The following SCHIP1 variants were observed in gnomAD, a reference collection of about 807,000 sequenced individuals.
SCHIP1 encodes schwannomin interacting protein 1.
In SCHIP1, 8 loss-of-function variants were observed where a neutral mutation model predicts 29.7. That is an observed-to-expected ratio of 0.27 (90% CI 0.16 to 0.49). The LOEUF is 0.49. SCHIP1 is among the 20% of genes least tolerant of loss of function. The pLI is 0.99. For missense variants in SCHIP1, 193 were observed against 294.6 expected, an observed-to-expected ratio of 0.66 and a Z score of 2.52; for synonymous variants, 76 against 94.9, an observed-to-expected ratio of 0.80 and a Z score of 1.16.
chr3:159,402,373 C>T, the SCHIP1 span, among the ~76,000 whole-genome samples: 16 of 152,124 alleles, frequency 1.1e-4, no homozygotes, highest in Non-Finnish European at 1.5e-4. Flanking sequence ...GTCGGTGTGG[C>T]GATTCCTCAG....
chr3:159,333,514 T>TAC, the SCHIP1 span, among the ~76,000 whole-genome samples: 443 of 151,328 alleles, frequency 2.9e-3, 3 homozygotes, highest in Admixed American at 0.016. Context: ...TACACAAACA[T>TAC]ACACACACAC....
chr3:159,797,726 C>T, the SCHIP1 span, among the ~76,000 whole-genome samples: 1 of 152,148 alleles, frequency 6.6e-6, no homozygotes, highest in African/African-American at 2.4e-5. Flanking sequence ...GTGCCTGCCA[C>T]TACACTCAGC....
At chr3:159,698,981 C>T in the SCHIP1 span, among the ~76,000 whole-genome samples, 9 of 152,266 alleles carry the variant, frequency 5.9e-5, no homozygotes, top group African/African-American at 1.2e-4. Flanking sequence ...TCTAGCTCTA[C>T]GATCTTATTC....
the SCHIP1 span, among the ~76,000 whole-genome samples, chr3:159,736,572 C>G: frequency 1.3e-5 from 2 of 152,132 alleles, no homozygotes; most frequent in Non-Finnish European, 2.9e-5. Flanking sequence ...CAAGTCTACA[C>G]CAGCTTCTTG....
At chr3:159,492,618 C>T in the SCHIP1 span, among the ~76,000 whole-genome samples, 1,497 of 152,270 alleles carry the variant, frequency 9.8e-3, 29 homozygotes, top group African/African-American at 0.034. Flanking sequence ...ACCAAAACTA[C>T]GTCTAATTGC....
At chr3:159,582,787 TAC>T in the SCHIP1 span, among the ~76,000 whole-genome samples, 2,614 of 144,204 alleles carry the variant, frequency 0.018, 65 homozygotes, top group African/African-American at 0.054. Context: ...AATATATATA[TAC>T]ACACACACAC....
the SCHIP1 span, among the ~76,000 whole-genome samples, chr3:159,820,004 C>G: frequency 6.6e-6 from 1 of 152,194 alleles, no homozygotes; most frequent in Non-Finnish European, 1.5e-5. Flanking sequence ...AGCCATGTCT[C>G]CCAGAGCCAG....
At chr3:159,304,922 C>T in the SCHIP1 span, among the ~76,000 whole-genome samples, 1 of 152,182 alleles carries the variant, frequency 6.6e-6, no homozygotes, top group Admixed American at 6.5e-5. Flanking sequence ...CAGCTTCTGA[C>T]AATAGCCCAT....
the SCHIP1 span, among the ~76,000 whole-genome samples, chr3:159,790,190 G>T: frequency 6.6e-6 from 1 of 152,204 alleles, no homozygotes; most frequent in African/African-American, 2.4e-5. Flanking sequence ...CTACTCAGCA[G>T]CTGGGCTCAA....
At chr3:159,709,322 AT>A in the SCHIP1 span, among the ~76,000 whole-genome samples, 1,307 of 152,254 alleles carry the variant, frequency 8.6e-3, 22 homozygotes, top group African/African-American at 0.029. Flanking sequence ...CTTAGCTGTG[AT>A]ATTGTTCTAG....
the SCHIP1 span, among the ~76,000 whole-genome samples, chr3:159,817,981 C>T: frequency 6.6e-6 from 1 of 152,134 alleles, no homozygotes; most frequent in Non-Finnish European, 1.5e-5. Context: ...TTTATTTATC[C>T]AATGGTGAGA....
the SCHIP1 span, among the ~76,000 whole-genome samples, chr3:159,372,435 A>G: frequency 6.6e-6 from 1 of 152,158 alleles, no homozygotes; most frequent in South Asian, 2.1e-4. Flanking sequence ...ATTTTGATTT[A>G]ATGTTTTTAT....
the SCHIP1 span, among the ~76,000 whole-genome samples, chr3:159,559,042 T>C: frequency 1.6e-4 from 25 of 152,188 alleles, no homozygotes; most frequent in Non-Finnish European, 2.9e-5. Flanking sequence ...CCCCTTCAGC[T>C]CAGTGCCATT....
the SCHIP1 span, among the ~76,000 whole-genome samples, chr3:159,453,351 A>G: frequency 6.6e-6 from 1 of 152,208 alleles, no homozygotes; most frequent in Admixed American, 6.5e-5. Context: ...CCATATGAGA[A>G]TGCTCTGTAA....
chr3:159,682,014 C>T, the SCHIP1 span, among the ~76,000 whole-genome samples: 1 of 152,246 alleles, frequency 6.6e-6, no homozygotes, highest in Non-Finnish European at 1.5e-5. Flanking sequence ...ACCCAAACCA[C>T]ATTCCACAGA....
chr3:159,715,688 G>A, the SCHIP1 span, among the ~76,000 whole-genome samples: 1 of 152,152 alleles, frequency 6.6e-6, no homozygotes, highest in East Asian at 1.9e-4. Flanking sequence ...GAAGTGAGAA[G>A]AGAAGTTCAG....
chr3:159,478,632 A>G, the SCHIP1 span, among the ~76,000 whole-genome samples: 11 of 152,196 alleles, frequency 7.2e-5, no homozygotes, highest in Non-Finnish European at 1.6e-4. Context: ...TGAAATTTTA[A>G]TAGAGATAGC....
At chr3:159,443,545 T>C in the SCHIP1 span, among the ~76,000 whole-genome samples, 1 of 152,128 alleles carries the variant, frequency 6.6e-6, no homozygotes, top group Admixed American at 6.5e-5. Flanking sequence ...AGTCTTGCTC[T>C]GTCACCAGGC....
chr3:159,559,500 C>G, the SCHIP1 span, among the ~76,000 whole-genome samples: 1 of 152,078 alleles, frequency 6.6e-6, no homozygotes, highest in African/African-American at 2.4e-5. Flanking sequence ...CATAACTTCC[C>G]CCGAAATACT....
Sources: allele counts gnomAD v4.1 joint callset (sites outside exome capture counted in the v4.1 genomes callset), GRCh38; gene constraint gnomAD v4.1.1; transcripts MANE v1.5; gene names NCBI Gene and HGNC (gene_info 2026-07-23, HGNC 2026-07-21).